The following MAPK14 variants were observed in gnomAD, a reference collection of about 807,000 sequenced individuals.
The protein encoded by MAPK14 is CSAID-binding protein.
A neutral mutation model predicts 49.6 loss-of-function variants in MAPK14; 16 were observed. The ratio of observed to expected loss-of-function variants is 0.32; its 90% CI spans 0.22 to 0.49. The LOEUF (loss-of-function observed/expected upper bound fraction) is 0.49, where lower values mean the gene tolerates loss of function less well. Ranked by LOEUF, MAPK14 falls within the 20% of genes least tolerant of loss-of-function variation. MAPK14 has a pLI of 0.99. For missense variants in MAPK14, 200 were observed against 441.2 expected (o/e 0.45, Z 4.90); for synonymous variants, 142 against 158.0 (o/e 0.90, Z 0.76).
Position 36,090,282 on chromosome 6 carries a change from C to T in MAPK14, c.683-5705C>T, listed in dbSNP as rs9348987. Among the ~76,000 whole-genome samples, 262 of 152,208 alleles carry T rather than the reference C, an allele frequency of 1.7e-3. 6 individuals are homozygous for T. In the East Asian group the frequency reaches 0.048, roughly 28 times the overall value. ...AGAGCTAAAGCTTCTGGAGACCCTT[C>T]TCTCACATCTGCCCATCACTTTCAG... is the stretch of plus-strand genomic sequence containing the variant. On this transcript the variant is annotated intron_variant, in intron 8 of 11. Transcript: ENST00000229794.
rs1763324838 is a variant in MAPK14, at chr6:36,049,784, A to T, written c.117-2915A>T. On this transcript the variant is annotated intron_variant, in intron 1 of 11. Transcript: ENST00000229794. The stretch of plus-strand genomic sequence containing the variant: ...GAGAGAAGAGGAATGAAGAAGTGAA[A>T]TCCTTGAGAAGATGAGGGAGGTGGC... 3.3e-5 allele frequency among the ~76,000 whole-genome samples: 5 copies of T among 152,334 alleles called. No individual in the cohort carries two copies. In the South Asian group the frequency reaches 1.0e-3, roughly 32 times the overall value.
intron 8 of MAPK14, among the ~76,000 whole-genome samples, chr6:36,079,053 C>A (rs775245002): frequency 1.4e-4 from 21 of 152,192 alleles, no homozygotes; most frequent in Non-Finnish European, 2.1e-4. Flanking sequence ...TAGAGTTTAA[C>A]CCAGTTGAAT....
chr6:36,063,220 T>C (rs1763898901), intron 3 of MAPK14, among the ~76,000 whole-genome samples: 1 of 152,186 alleles, frequency 6.6e-6, no homozygotes, highest in African/African-American at 2.4e-5. Flanking sequence ...TACTGGATGC[T>C]GTAGGTAACT....
rs1028073997 is a variant in MAPK14, at chr6:36,110,844, A to G, written c.*2397A>G. 1.3e-5 allele frequency: 2 copies of G among 152,234 alleles called. No individual in the cohort carries two copies. The highest frequency in any genetic ancestry group is 4.8e-5 in the African/African-American group (2 of 41,470). 9.4% of individuals were successfully genotyped at this position (152,234 alleles called of 1,614,324 possible). ...TTATATCAATATCCTTTAAACTGTG[A>G]CCTGGCATACTTGTCTGACAGATCT... On this transcript the variant is annotated 3_prime_UTR_variant, in exon 12 of 12. Transcript: ENST00000229794.
intron 9 of MAPK14, among the ~76,000 whole-genome samples, chr6:36,099,384 T>C (rs1765556567): frequency 6.6e-6 from 1 of 152,240 alleles, no homozygotes; most frequent in African/African-American, 2.4e-5. Flanking sequence ...CTTACATATG[T>C]GCCTATACAT....
chr6:36,039,780 G>A (rs1234940588), intron 1 of MAPK14, among the ~76,000 whole-genome samples: 7 of 152,060 alleles, frequency 4.6e-5, no homozygotes, highest in South Asian at 4.1e-4. Context: ...CAAGGTGGGC[G>A]GATCACTTGA....
intron 2 of MAPK14, 111 bp downstream of exon 2, chr6:36,052,939 G>A (rs910167641): frequency 1.6e-5 from 14 of 877,214 alleles, no homozygotes; most frequent in Non-Finnish European, 2.3e-5. Flanking sequence ...GTTGGTCCCT[G>A]CTCCTTGTCC....
chr6:36,078,340 A>G (rs534324076), intron 8 of MAPK14, among the ~76,000 whole-genome samples: 151 of 152,350 alleles, frequency 9.9e-4, no homozygotes, highest in African/African-American at 3.2e-3. Flanking sequence ...CTTGCAAAAC[A>G]GATTACCCCT....
chr6:36,081,601 A>G (rs1266061013), intron 8 of MAPK14, among the ~76,000 whole-genome samples: 1 of 152,148 alleles, frequency 6.6e-6, no homozygotes, highest in Non-Finnish European at 1.5e-5. Flanking sequence ...TGGTTTATAT[A>G]TCTATCCTTA....
In MAPK14 at chr6:36,108,519, A is replaced by G; in HGVS notation, c.*72A>G. Reference sequence around the variant, plus strand: ...GCCTTTTCACGGGAACTCTCCAAATATTATTCAAGTGCCTCTTGTTGCAGA... The same window carrying G: ...GCCTTTTCACGGGAACTCTCCAAATGTTATTCAAGTGCCTCTTGTTGCAGA... On this transcript the variant is annotated 3_prime_UTR_variant, in exon 12 of 12. Transcript: ENST00000229794. The G allele has an allele frequency of 8.2e-7, 1 of 1,218,312 alleles. No homozygotes were observed. The highest frequency in any genetic ancestry group is 1.2e-6 in the Non-Finnish European group (1 of 820,076). 75.5% of individuals were successfully genotyped at this position (1,218,312 alleles called of 1,614,324 possible). A position where few individuals can be genotyped will look rare whatever the true frequency, so the allele number is the denominator to read the frequency against.
intron 1 of MAPK14, among the ~76,000 whole-genome samples, chr6:36,052,180 A>G (rs184266371): frequency 1.8e-4 from 28 of 152,142 alleles, no homozygotes; most frequent in African/African-American, 6.5e-4. Context: ...TATTGTCCTG[A>G]AAACATGGTT....
At chr6:36,085,218 T>A (rs528656832) in intron 8 of MAPK14, among the ~76,000 whole-genome samples, 1 of 152,160 alleles carries the variant, frequency 6.6e-6, no homozygotes, top group Non-Finnish European at 1.5e-5. Flanking sequence ...AGAAACACAC[T>A]GTTTTCTTTT....
chr6:36,046,503 A>C (rs1029633529), intron 1 of MAPK14, among the ~76,000 whole-genome samples: 4 of 152,218 alleles, frequency 2.6e-5, no homozygotes, highest in Admixed American at 1.3e-4. Context: ...TTTAATCCTA[A>C]CATATCCAAC....
In MAPK14 at chr6:36,028,408, G is replaced by A; in HGVS notation, c.116+135G>A. 1 of 639,420 alleles carries A rather than the reference G, an allele frequency of 1.6e-6. No individual in the cohort carries two copies. Among genetic ancestry groups the A allele is most frequent in the Non-Finnish European group, 2.8e-6 (1 of 359,368 alleles). 39.6% of individuals were successfully genotyped at this position (639,420 alleles called of 1,614,324 possible). On this transcript the variant is annotated intron_variant, in intron 1 of 11. Coordinates refer to ENST00000229794, the MANE Select transcript of MAPK14 (RefSeq NM_139012.3). This position sits in a 1 kb window ranked among gnomAD's most constrained non-coding sequence, Gnocchi z 5.1. Reference sequence around the variant, plus strand: ...GGGGAGGGCATTGCTGCCCCTTCGAGCTCTGCCCGTTCTGCACCTCCAGCA... The same window carrying A: ...GGGGAGGGCATTGCTGCCCCTTCGAACTCTGCCCGTTCTGCACCTCCAGCA...
At chr6:36,115,477 C>T (rs920514646), downstream of MAPK14, among the ~76,000 whole-genome samples, 13 of 152,084 alleles carry the variant, frequency 8.5e-5, no homozygotes, top group Non-Finnish European at 1.6e-4. Context: ...AGGAAAAATA[C>T]GAATACATTT....
intron 8 of MAPK14, chr6:36,092,715 G>A: frequency 3.4e-6 from 1 of 292,890 alleles, no homozygotes; most frequent in South Asian, 3.2e-5. Context: ...GTGACAAAGG[G>A]AAGAGGACAA....
chr6:36,075,816 A>G (rs1307613556), intron 6 of MAPK14, 32 bp from the exon 7 acceptor site: 1 of 1,612,520 alleles, frequency 6.2e-7, no homozygotes, highest in Non-Finnish European at 8.5e-7. Flanking sequence ...TCTAAGTCTT[A>G]GCAGTTTGTC....
Position 36,107,193 on chromosome 6 carries a change from C to T in MAPK14, c.842-262C>T, listed in dbSNP as rs1765823505. ...CAGTCCCCATCAGTCCGTGGTGAGACCCATGTAACAAATGTGCACATGTAC... is the reference window on the plus strand; with the variant it reads ...CAGTCCCCATCAGTCCGTGGTGAGATCCATGTAACAAATGTGCACATGTAC... On this transcript the variant is annotated intron_variant, in intron 10 of 11. Coordinates refer to ENST00000229794, the MANE Select transcript of MAPK14 (RefSeq NM_139012.3). This position sits in a 1 kb window ranked among gnomAD's most constrained non-coding sequence, Gnocchi z 4.3. 6.6e-6 allele frequency among the ~76,000 whole-genome samples: 1 copy of T among 151,914 alleles called. No individual in the cohort carries two copies. The highest frequency in any genetic ancestry group is 1.5e-5 in the Non-Finnish European group (1 of 67,998).
At position 36,031,381 on chromosome 6, in the gene MAPK14, A is replaced by G. The variant is rs563510232; in HGVS notation, c.116+3108A>G. Among the ~76,000 whole-genome samples the G allele has an allele frequency of 2.6e-5, 4 of 152,224 alleles. No individual in the cohort carries two copies. The East Asian group carries it at 7.7e-4, about 29-fold the overall frequency. ...AAACATTTTTTGGAACTTCTTTTAGAATCCACTTTGGAGCCTGTGATATTC... is the reference window on the plus strand; with the variant it reads ...AAACATTTTTTGGAACTTCTTTTAGGATCCACTTTGGAGCCTGTGATATTC... On this transcript the variant is annotated intron_variant, in intron 1 of 11. Coordinates refer to ENST00000229794, the MANE Select transcript of MAPK14 (RefSeq NM_139012.3).
Sources: allele counts gnomAD v4.1 joint callset (sites outside exome capture counted in the v4.1 genomes callset), GRCh38; gene constraint gnomAD v4.1.1; non-coding constraint Gnocchi (gnomAD v3.1); transcripts MANE v1.5; gene names NCBI Gene and HGNC (gene_info 2026-07-23, HGNC 2026-07-21).